Variants in PHF24 observed in about 807,000 individuals in gnomAD.
PHF24 encodes PHD finger protein 24.
PHF24 carries 25 observed loss-of-function variants against 42.6 expected under a neutral mutation model. The observed-to-expected ratio is 0.59, with a 90% confidence interval of 0.43 to 0.82. The LOEUF is 0.82. Ranked by LOEUF, PHF24 falls within the 40% of genes least tolerant of loss-of-function variation. The pLI is 0.00. For synonymous variants in PHF24, 185 were observed against 204.8 expected, an observed-to-expected ratio of 0.90 and a Z score of 0.83; for missense variants, 470 against 538.1, an observed-to-expected ratio of 0.87 and a Z score of 1.25.
chr9:34,835,252 G>T, the PHF24 span: 14 of 1,551,506 alleles, frequency 9.0e-6, no homozygotes, highest in Non-Finnish European at 1.2e-5. Context: ...TCTCAGATCT[G>T]TGAAGAGAGA....
the PHF24 span, chr9:34,725,115 C>T: frequency 0.013 from 20,510 of 1,550,508 alleles, 153 homozygotes; most frequent in Middle Eastern, 0.033. Flanking sequence ...GGAGCCACTG[C>T]CAGGACCCCA....
At chr9:34,730,877 C>T in the PHF24 span, among the ~76,000 whole-genome samples, 14 of 152,176 alleles carry the variant, frequency 9.2e-5, no homozygotes, top group South Asian at 2.1e-4. Context: ...ATAACAAATG[C>T]AGTGTATCTC....
the PHF24 span, chr9:34,833,021 C>T: frequency 5.2e-6 from 8 of 1,551,460 alleles, no homozygotes; most frequent in East Asian, 7.3e-5. Flanking sequence ...CCAGGACCCT[C>T]GGGGTGTCTT....
chr9:34,894,564 A>T, the PHF24 span: 1 of 398,526 alleles, frequency 2.5e-6, no homozygotes, highest in East Asian at 3.6e-5. Context: ...ACATCCTATA[A>T]GAAGCTGAAG....
At chr9:34,802,337 A>G in the PHF24 span, among the ~76,000 whole-genome samples, 1 of 152,174 alleles carries the variant, frequency 6.6e-6, no homozygotes, top group African/African-American at 2.4e-5. Context: ...CCTTCTGGCC[A>G]CAGTGGTCGT....
the PHF24 span, among the ~76,000 whole-genome samples, chr9:34,808,228 T>G: frequency 1.3e-5 from 2 of 152,314 alleles, no homozygotes; most frequent in East Asian, 3.9e-4. Flanking sequence ...AATAAAAGTA[T>G]AGTACTTCAT....
At chr9:34,754,509 C>G in the PHF24 span, among the ~76,000 whole-genome samples, 1 of 152,038 alleles carries the variant, frequency 6.6e-6, no homozygotes, top group Non-Finnish European at 1.5e-5. Flanking sequence ...AATGAGATAT[C>G]GTCTTGCCCC....
At chr9:34,833,235 C>A in the PHF24 span, 1 of 1,548,652 alleles carries the variant, frequency 6.5e-7, no homozygotes, top group Non-Finnish European at 8.7e-7. Context: ...CCACAGGGTT[C>A]CTCCAGGCTG....
chr9:34,770,697 G>A, the PHF24 span, among the ~76,000 whole-genome samples: 13 of 152,050 alleles, frequency 8.5e-5, no homozygotes, highest in East Asian at 3.9e-4. Context: ...CAATAGAAAC[G>A]GGATGGCGGT....
At chr9:34,704,523 A>G in the PHF24 span, among the ~76,000 whole-genome samples, 1 of 151,712 alleles carries the variant, frequency 6.6e-6, no homozygotes, top group East Asian at 1.9e-4. Flanking sequence ...TGGAAGAGAT[A>G]GTGGTGAAAT....
chr9:34,750,203 C>T, the PHF24 span, among the ~76,000 whole-genome samples: 1 of 152,084 alleles, frequency 6.6e-6, no homozygotes, highest in Non-Finnish European at 1.5e-5. Flanking sequence ...ATAACTCCAA[C>T]AACTTTTCAA....
the PHF24 span, among the ~76,000 whole-genome samples, chr9:34,784,957 A>G: frequency 4.5e-4 from 69 of 152,316 alleles, no homozygotes; most frequent in African/African-American, 1.5e-3. Context: ...TTAATTTTGA[A>G]ATGTGTTTTA....
At chr9:34,956,504 G>A (rs1400343893), upstream of PHF24, among the ~76,000 whole-genome samples, 1 of 152,102 alleles carries the variant, frequency 6.6e-6, no homozygotes, top group South Asian at 2.1e-4. Context: ...CACCTGCCTC[G>A]GCCTCCCAAA....
At position 34,977,998 on chromosome 9, in the gene PHF24, C is replaced by G. The variant is rs1483339228; in HGVS notation, c.1107-17C>G. The G allele has an allele frequency of 3.8e-6, 6 of 1,598,404 alleles. No individual in the cohort carries two copies. The highest frequency in any genetic ancestry group is 5.1e-6 in the Non-Finnish European group (6 of 1,165,786). On this transcript the variant is annotated splice_polypyrimidine_tract_variant and intron_variant, in intron 7 of 7. Transcript: ENST00000242315. ...TTCAAACCAGCCTCACGACTCTGTT[C>G]TTTGCTTCCACTCCAGATTTGTGGA...
chr9:34,705,446 A>G, the PHF24 span, among the ~76,000 whole-genome samples: 2 of 148,578 alleles, frequency 1.3e-5, no homozygotes, highest in Non-Finnish European at 2.9e-5. Flanking sequence ...CCACTACACC[A>G]GCTACTTTTT....
the PHF24 span, among the ~76,000 whole-genome samples, chr9:34,695,742 A>G: frequency 6.6e-6 from 1 of 152,198 alleles, no homozygotes; most frequent in Non-Finnish European, 1.5e-5. Flanking sequence ...CCACACACTT[A>G]TGGGTACCCA....
At chr9:34,726,421 T>C in the PHF24 span, 229,072 of 1,467,570 alleles carry the variant, frequency 0.16, 25,911 homozygotes, top group African/African-American at 0.36. Context: ...GCAAGGCCAT[T>C]GGATGCATCC....
chr9:34,880,922 T>A, the PHF24 span, among the ~76,000 whole-genome samples: 1 of 152,120 alleles, frequency 6.6e-6, no homozygotes, highest in African/African-American at 2.4e-5. Context: ...CAGCACCACA[T>A]TGCACTTATT....
the PHF24 span, among the ~76,000 whole-genome samples, chr9:34,850,987 G>T: frequency 3.9e-5 from 6 of 152,294 alleles, no homozygotes; most frequent in Admixed American, 3.3e-4. Context: ...ACCCGGCCAT[G>T]TGAGGTGTCA....
Sources: gnomAD v4.1 joint callset for allele counts (sites outside exome capture counted in the v4.1 genomes callset) on GRCh38, gnomAD v4.1.1 for gene constraint, MANE v1.5 for transcripts, NCBI Gene and HGNC (gene_info 2026-07-23, HGNC 2026-07-21) for gene names.